The following RGS22 variants were observed in gnomAD, a reference collection of about 807,000 sequenced individuals.
RGS22 encodes the protein regulator of G-protein signaling 22.
A neutral mutation model predicts 172.9 loss-of-function variants in RGS22; 148 were observed. The ratio of observed to expected loss-of-function variants is 0.86; its 90% CI spans 0.75 to 0.98. The LOEUF (loss-of-function observed/expected upper bound fraction) is 0.98, where lower values mean the gene tolerates loss of function less well. Ranked by LOEUF, RGS22 falls within the 50% of genes least tolerant of loss-of-function variation. RGS22 has a pLI of 0.00. For synonymous variants in RGS22, 458 were observed against 480.2 expected (o/e 0.95, Z 0.60); for missense variants, 1,347 against 1,440.8 (o/e 0.93, Z 1.05).
At chr8:100,104,687 G>A (rs1813784286) in intron 2 of RGS22, among the ~76,000 whole-genome samples, 1 of 152,126 alleles carries the variant, frequency 6.6e-6, no homozygotes, top group Non-Finnish European at 1.5e-5. Flanking sequence ...AAGCAAATAA[G>A]ATAATTAGCC....
chr8:99,982,959 C>T (rs1812708536), intron 21 of RGS22, among the ~76,000 whole-genome samples: 1 of 152,178 alleles, frequency 6.6e-6, no homozygotes, highest in Non-Finnish European at 1.5e-5. Context: ...ACCCTCCCCT[C>T]ACTACCTGTT....
chr8:100,056,659 C>A (rs1822288167), intron 9 of RGS22, among the ~76,000 whole-genome samples: 1 of 152,138 alleles, frequency 6.6e-6, no homozygotes, highest in Non-Finnish European at 1.5e-5. Flanking sequence ...GCCTTGGCAG[C>A]TTCCACATGG....
chr8:100,000,224 C>T lies in RGS22; in HGVS notation c.2791-804G>A, dbSNP rs192390985. Among the ~76,000 whole-genome samples, 93 of 152,262 alleles carry T rather than the reference C, an allele frequency of 6.1e-4. No homozygotes were observed. The East Asian group carries it at 0.013, about 21-fold the overall frequency. ...ATTTCTGGATTGCTCAGTGGAACAA[C>T]TGCCCTCTTCTTTGTTCTCCTTTGA... On this transcript the variant is annotated intron_variant, in intron 18 of 27. Transcript: ENST00000360863.
At chr8:100,052,403 G>A (rs948462555) in intron 10 of RGS22, among the ~76,000 whole-genome samples, 7 of 150,520 alleles carry the variant, frequency 4.7e-5, no homozygotes, top group African/African-American at 1.2e-4. Flanking sequence ...CCGGATTCCC[G>A]CCATTCTCCT....
intron 23 of RGS22, among the ~76,000 whole-genome samples, chr8:99,977,270 A>ATTTTTTTTTT (rs895569407): frequency 2.9e-4 from 35 of 120,372 alleles, no homozygotes; most frequent in Non-Finnish European, 4.3e-4. Flanking sequence ...CGCCCGGTTA[A>ATTTTTTTTTT]TTTTTTTTTT....
At chr8:100,102,387 G>A (rs2132063155) in intron 2 of RGS22, among the ~76,000 whole-genome samples, 1 of 152,304 alleles carries the variant, frequency 6.6e-6, no homozygotes, top group Non-Finnish European at 1.5e-5. Context: ...AGGAGAGAAT[G>A]GAGTTTGGGG....
intron 14 of RGS22, among the ~76,000 whole-genome samples, chr8:100,025,219 C>A (rs868488339): frequency 6.6e-6 from 1 of 152,132 alleles, no homozygotes; most frequent in African/African-American, 2.4e-5. Context: ...TGACAAAATG[C>A]GATGCAACAC....
chr8:99,980,216 G>A (rs1349394488), intron 22 of RGS22, among the ~76,000 whole-genome samples: 6 of 152,166 alleles, frequency 3.9e-5, no homozygotes, highest in African/African-American at 1.4e-4. Flanking sequence ...TTACAGGTGT[G>A]AGCCAGTGTG....
At chr8:100,053,666 T>C (rs1164414812) in intron 9 of RGS22, among the ~76,000 whole-genome samples, 1 of 152,144 alleles carries the variant, frequency 6.6e-6, no homozygotes, top group Non-Finnish European at 1.5e-5. Flanking sequence ...CACGGAGTCT[T>C]GCTCTGTCAC....
chr8:100,053,982 T>G (rs1408855638), intron 9 of RGS22, among the ~76,000 whole-genome samples: 1 of 152,224 alleles, frequency 6.6e-6, no homozygotes, highest in Admixed American at 6.5e-5. Context: ...TAGGTTATAA[T>G]GCATACTATT....
At chr8:100,033,444 T>C (rs189097973) in intron 14 of RGS22, among the ~76,000 whole-genome samples, 1 of 151,544 alleles carries the variant, frequency 6.6e-6, no homozygotes, top group South Asian at 2.1e-4. Context: ...CCTTGACACA[T>C]ACACCCTCCC....
rs1412752954 is a variant in RGS22 at position 99,999,268 on chromosome 8, C to T, written c.2943G>A (p.Lys981=). The part of the protein sequence containing the change: ...LASEQFAARQ[K]IKVQMKDIAE... ...ATTATACTAATTTATATACCTTTAT[C>T]TTCTGACGTGCTGCAAACTGTTCAC... Residue 981 remains lysine (K), a synonymous_variant, in exon 19 of 28, where the codon AAG becomes AAA. Transcript: ENST00000360863. The T allele has an allele frequency of 6.2e-7, 1 of 1,613,174 alleles. No individual in the cohort carries two copies. The highest frequency in any genetic ancestry group is 8.5e-7 in the Non-Finnish European group (1 of 1,179,744).
intron 21 of RGS22, 109 bp from the exon 22 acceptor site, chr8:99,982,225 C>A: frequency 1.2e-6 from 1 of 826,664 alleles, no homozygotes; most frequent in South Asian, 2.4e-5. Context: ...AACTTTAGGT[C>A]AAGAAGGCAG....
chr8:100,059,378 T>C (rs1809910309), intron 9 of RGS22, among the ~76,000 whole-genome samples: 1 of 151,552 alleles, frequency 6.6e-6, no homozygotes, highest in African/African-American at 2.4e-5. Flanking sequence ...ATTGATATGG[T>C]GCCTACAAGA....
At chr8:100,048,101 C>T (rs1820922430) in intron 10 of RGS22, among the ~76,000 whole-genome samples, 1 of 151,782 alleles carries the variant, frequency 6.6e-6, no homozygotes, top group South Asian at 2.1e-4. Context: ...TTATTTTTCC[C>T]ATTCTTAGAG....
intron 3 of RGS22, among the ~76,000 whole-genome samples, chr8:100,082,765 T>C (rs1811858979): frequency 6.6e-6 from 1 of 152,190 alleles, no homozygotes; most frequent in Non-Finnish European, 1.5e-5. Context: ...TACACCAAGT[T>C]CTTTGCTAAG....
rs1412002990 is a variant in RGS22, at chr8:100,093,522, A to C, written c.55-13T>G. Reference sequence around the variant, plus strand: ...CCAGAGAATCTTCCTGCAAAAAAAAAACATAAAAACACAGTATTATAATTA... The same window carrying C: ...CCAGAGAATCTTCCTGCAAAAAAAACACATAAAAACACAGTATTATAATTA... On this transcript the variant is annotated splice_polypyrimidine_tract_variant and intron_variant, in intron 2 of 27. Coordinates refer to ENST00000360863, the MANE Select transcript of RGS22 (RefSeq NM_015668.5). 6 of 1,541,686 alleles carry C rather than the reference A, an allele frequency of 3.9e-6. No individual in the cohort carries two copies. The highest frequency in any genetic ancestry group is 5.3e-6 in the Non-Finnish European group (6 of 1,124,574).
intron 2 of RGS22, among the ~76,000 whole-genome samples, chr8:100,104,364 T>TA (rs1813755903): frequency 1.0e-5 from 1 of 98,078 alleles, no homozygotes; most frequent in Non-Finnish European, 2.0e-5. Context: ...GTGTGTGTAT[T>TA]TTTTTTTTTC....
rs565143204 is a variant in RGS22 at position 100,076,886 on chromosome 8, G to A, written c.339+3248C>T. ...CATATGCCTGTAATCTCAGCTACCT[G>A]GAAGGCTGAGGCAGGAGAATCGCTT... On this transcript the variant is annotated intron_variant, in intron 4 of 27. Coordinates refer to ENST00000360863, the MANE Select transcript of RGS22 (RefSeq NM_015668.5). Among the ~76,000 whole-genome samples, 12 of 152,260 alleles carry A rather than the reference G, an allele frequency of 7.9e-5. No homozygotes were observed. The South Asian group carries it at 2.5e-3, about 32-fold the overall frequency.
Sources: gnomAD v4.1 joint callset for allele counts (sites outside exome capture counted in the v4.1 genomes callset) on GRCh38, gnomAD v4.1.1 for gene constraint, MANE v1.5 for transcripts, NCBI Gene and HGNC (gene_info 2026-07-23, HGNC 2026-07-21) for gene names.